VIPR2: variants seen among roughly 807,000 people sequenced by gnomAD.
VIPR2 encodes the protein vasoactive intestinal peptide receptor 2.
VIPR2 carries 48 observed loss-of-function variants against 58.0 expected under a neutral mutation model. The ratio of observed to expected loss-of-function variants is 0.83; its 90% CI spans 0.66 to 1.05. The LOEUF is 1.05. VIPR2 is among the 50% of genes least tolerant of loss of function. The pLI is 0.00. For missense variants in VIPR2, 534 were observed against 558.0 expected (o/e 0.96, Z 0.43); for synonymous variants, 243 against 235.2 (o/e 1.03, Z -0.30).
At chr7:159,125,365 T>C (rs1379095486) in intron 2 of VIPR2, among the ~76,000 whole-genome samples, 1 of 152,172 alleles carries the variant, frequency 6.6e-6, no homozygotes, top group Admixed American at 6.5e-5. Flanking sequence ...TGTAAGATGT[T>C]CTTGGCCAGT....
chr7:159,031,882 G>A lies in VIPR2; in HGVS notation c.1102-13C>T. On this transcript the variant is annotated splice_polypyrimidine_tract_variant and intron_variant, in intron 11 of 12. Transcript: ENST00000262178. The surrounding 1 kb of genome is among the most constrained non-coding windows in gnomAD (Gnocchi z 4.0). Reference sequence around the variant, plus strand: ...CCACCACCAGGCCCTGCAATGAGAAGAGATGGTCAGGCAGGACCCGCGCTC... The same window carrying A: ...CCACCACCAGGCCCTGCAATGAGAAAAGATGGTCAGGCAGGACCCGCGCTC... 2 of 1,614,138 alleles carry A rather than the reference G, an allele frequency of 1.2e-6. No homozygotes were observed. The highest frequency in any genetic ancestry group is 1.7e-6 in the Non-Finnish European group (2 of 1,180,032).
At chr7:159,059,277 G>C in intron 4 of VIPR2, 1 of 471,226 alleles carries the variant, frequency 2.1e-6, no homozygotes, top group Non-Finnish European at 4.4e-6. Flanking sequence ...ATAAAAACCA[G>C]CAACACCTGC....
At chr7:159,143,728 T>A (rs1466283099) in intron 1 of VIPR2, among the ~76,000 whole-genome samples, 2 of 152,248 alleles carry the variant, frequency 1.3e-5, no homozygotes, top group African/African-American at 4.8e-5. Flanking sequence ...TGTTAAAGTG[T>A]AAAAGACATT....
Position 159,031,325 on chromosome 7 carries a change from AGGGTCAG to A in VIPR2, c.1143+496_1143+502del, listed in dbSNP as rs1171683954. On this transcript the variant is annotated intron_variant, in intron 12 of 12. Coordinates refer to ENST00000262178, the MANE Select transcript of VIPR2 (RefSeq NM_003382.5). The surrounding 1 kb of genome is among the most constrained non-coding windows in gnomAD (Gnocchi z 4.0). The stretch of plus-strand genomic sequence containing the variant: ...GCCAGCAACCGCAGCGTGGGGCGGG[AGGGTCAG>A]GGGTCAGGGGACGGGGCCAGGCCGT... Among the ~76,000 whole-genome samples, 1 of 138,780 alleles carries A rather than the reference AGGGTCAG, an allele frequency of 7.2e-6. No homozygotes were observed. The highest frequency in any genetic ancestry group is 1.6e-5 in the Non-Finnish European group (1 of 63,884). 91.0% of individuals were successfully genotyped at this position (138,780 alleles called of 152,430 possible).
intron 2 of VIPR2, among the ~76,000 whole-genome samples, chr7:159,112,673 A>C (rs138946377): frequency 0.011 from 1,596 of 142,528 alleles, 1 homozygote; most frequent in Non-Finnish European, 0.016. Flanking sequence ...GACTGTGAGG[A>C]GGCGGCTCAC....
rs1386850858 is a variant in VIPR2 at position 159,093,904 on chromosome 7, G to C, written c.357+9853C>G. Among the ~76,000 whole-genome samples the C allele has an allele frequency of 6.6e-6, 1 of 152,198 alleles. No individual in the cohort carries two copies. The highest frequency in any genetic ancestry group is 1.5e-5 in the Non-Finnish European group (1 of 68,040). Reference sequence around the variant, plus strand: ...TGCCCAGTGCTGACGGGCGCCCCTCGTGACTCCCTCTTTCAGGGCTGGTGG... The same window carrying C: ...TGCCCAGTGCTGACGGGCGCCCCTCCTGACTCCCTCTTTCAGGGCTGGTGG... On this transcript the variant is annotated intron_variant, in intron 4 of 12. Coordinates refer to ENST00000262178, the MANE Select transcript of VIPR2 (RefSeq NM_003382.5). The surrounding 1 kb of genome is among the most constrained non-coding windows in gnomAD (Gnocchi z 6.7).
chr7:159,040,606 A>C (rs1431312736), intron 6 of VIPR2, among the ~76,000 whole-genome samples: 1 of 152,234 alleles, frequency 6.6e-6, no homozygotes, highest in Non-Finnish European at 1.5e-5. Flanking sequence ...TCCTAATATC[A>C]TGAGAAAAAG....
chr7:159,066,934 A>G (rs1046025489), intron 4 of VIPR2, among the ~76,000 whole-genome samples: 1 of 151,988 alleles, frequency 6.6e-6, no homozygotes, highest in Non-Finnish European at 1.5e-5. Flanking sequence ...CCTCAGTAGG[A>G]AAACCAAGAT....
intron 2 of VIPR2, among the ~76,000 whole-genome samples, chr7:159,125,154 AG>A (rs756515450): frequency 3.4e-4 from 52 of 152,220 alleles, no homozygotes; most frequent in Non-Finnish European, 6.0e-4. Context: ...TGCCCTGGCT[AG>A]GACTTCCAAT....
intron 2 of VIPR2, among the ~76,000 whole-genome samples, chr7:159,121,174 A>ACCTCCCTC (rs371441926): frequency 4.0e-5 from 6 of 149,686 alleles, no homozygotes; most frequent in African/African-American, 7.5e-5. Flanking sequence ...CTGGGTGGTC[A>ACCTCCCTC]CCTCCCTCCC....
intron 5 of VIPR2, 127 bp downstream of exon 5, chr7:159,058,354 C>T: frequency 1.4e-6 from 1 of 714,164 alleles, no homozygotes; most frequent in Non-Finnish European, 2.5e-6. Flanking sequence ...TTAATGGCAG[C>T]ATTCTCCATG....
intron 4 of VIPR2, among the ~76,000 whole-genome samples, chr7:159,066,350 C>T (rs1369654293): frequency 6.8e-6 from 1 of 147,598 alleles, no homozygotes; most frequent in African/African-American, 2.6e-5. Flanking sequence ...TGTGGGATTC[C>T]AGGATGCCTG....
rs1238688866 is a variant in VIPR2, at chr7:159,030,136, G to C, written c.*480C>G. 6.5e-6 allele frequency: 1 copy of C among 153,954 alleles called. No individual in the cohort carries two copies. The highest frequency in any genetic ancestry group is 2.4e-5 in the African/African-American group (1 of 41,510). 9.5% of individuals were successfully genotyped at this position (153,954 alleles called of 1,614,324 possible). A position where few individuals can be genotyped will look rare whatever the true frequency, so the allele number is the denominator to read the frequency against. On this transcript the variant is annotated 3_prime_UTR_variant, in exon 13 of 13. Coordinates refer to ENST00000262178, the MANE Select transcript of VIPR2 (RefSeq NM_003382.5). ...CGAGGCGGGCCCATCACGAGGTCAGGAGATCGAGACCATCCTGGCTAACAT... is the reference window on the plus strand; with the variant it reads ...CGAGGCGGGCCCATCACGAGGTCAGCAGATCGAGACCATCCTGGCTAACAT...
intron 2 of VIPR2, chr7:159,117,423 TAA>T (rs1489130146): frequency 1.4e-6 from 1 of 717,412 alleles, no homozygotes. Flanking sequence ...ACAGACAGGA[TAA>T]CAGTGAGCAC....
chr7:159,031,621 C>T lies in VIPR2; in HGVS notation c.1143+207G>A. 2.0e-6 allele frequency: 2 copies of T among 985,388 alleles called. No individual in the cohort carries two copies. Among genetic ancestry groups the T allele is most frequent in the Non-Finnish European group, 2.4e-6 (2 of 829,928 alleles). 61.0% of individuals were successfully genotyped at this position (985,388 alleles called of 1,614,324 possible). On this transcript the variant is annotated intron_variant, in intron 12 of 12. Coordinates refer to ENST00000262178, the MANE Select transcript of VIPR2 (RefSeq NM_003382.5). This position sits in a 1 kb window ranked among gnomAD's most constrained non-coding sequence, Gnocchi z 4.0. ...ATGCTACTTAGGGTGGACGGAAGGA[C>T]GGCGGGGTTTGGAAGCTGGGCCCAG...
intron 2 of VIPR2, among the ~76,000 whole-genome samples, chr7:159,141,924 C>G (rs1290692308): frequency 1.3e-5 from 2 of 152,202 alleles, no homozygotes; most frequent in Non-Finnish European, 2.9e-5. Flanking sequence ...CCTGTTGGAG[C>G]ATGATGGCCC....
At chr7:159,036,676 T>G in intron 7 of VIPR2, 76 bp downstream of exon 7, 22 of 1,504,832 alleles carry the variant, frequency 1.5e-5, no homozygotes, top group Non-Finnish European at 1.8e-5. Flanking sequence ...AAGTGTTTTC[T>G]GAGCTGAAAA....
intron 4 of VIPR2, among the ~76,000 whole-genome samples, chr7:159,068,124 G>A (rs1030541897): frequency 5.3e-5 from 8 of 152,162 alleles, no homozygotes; most frequent in Non-Finnish European, 1.2e-4. Flanking sequence ...TATCAAGCAC[G>A]TCCTAGAACC....
At chr7:159,106,061 C>T (rs1359235393) in intron 3 of VIPR2, among the ~76,000 whole-genome samples, 1 of 152,156 alleles carries the variant, frequency 6.6e-6, no homozygotes, top group Admixed American at 6.5e-5. Flanking sequence ...GAGCGATGGG[C>T]CAAGCGCCAC....
Sources: gnomAD v4.1 joint callset for allele counts (sites outside exome capture counted in the v4.1 genomes callset) on GRCh38, gnomAD v4.1.1 for gene constraint, Gnocchi (gnomAD v3.1) non-coding constraint, MANE v1.5 for transcripts, NCBI Gene and HGNC (gene_info 2026-07-23, HGNC 2026-07-21) for gene names.